ARB2A: variants seen among roughly 807,000 people sequenced by gnomAD.
ARB2A encodes the protein ARB2 cotranscriptional regulator A.
the ARB2A span, chr5:93,736,820 C>T: frequency 8.5e-5 from 13 of 152,156 alleles, no homozygotes; most frequent in East Asian, 1.5e-3. Flanking sequence ...ATGTAGAGTA[C>T]GTATGAAAAA....
the ARB2A span, among the ~76,000 whole-genome samples, chr5:93,754,552 G>C: frequency 6.6e-6 from 1 of 152,226 alleles, no homozygotes; most frequent in Non-Finnish European, 1.5e-5. Context: ...CTAGCAAAGA[G>C]TGACCTGTCA....
the ARB2A span, among the ~76,000 whole-genome samples, chr5:93,966,653 G>A: frequency 5.9e-5 from 9 of 151,972 alleles, no homozygotes; most frequent in Non-Finnish European, 2.9e-5. Context: ...CTATCTTATA[G>A]GCAATTCTCC....
At chr5:94,003,305 T>G in the ARB2A span, among the ~76,000 whole-genome samples, 14 of 152,258 alleles carry the variant, frequency 9.2e-5, no homozygotes, top group African/African-American at 3.4e-4. Context: ...CAAAAAAGAT[T>G]TGTACTTTTA....
the ARB2A span, chr5:93,776,135 A>T: frequency 1.3e-6 from 2 of 1,563,470 alleles, no homozygotes; most frequent in Non-Finnish European, 1.7e-6. Flanking sequence ...AACAGCAATC[A>T]TATATCTCTC....
At chr5:93,779,090 A>AGTGAGT in the ARB2A span, among the ~76,000 whole-genome samples, 198 of 143,448 alleles carry the variant, frequency 1.4e-3, 1 homozygote, top group African/African-American at 4.9e-3. Context: ...GTCATTTCAG[A>AGTGAGT]GTGTGTGTGT....
the ARB2A span, among the ~76,000 whole-genome samples, chr5:94,059,191 A>C: frequency 1.1e-4 from 17 of 151,756 alleles, 1 homozygote; most frequent in Non-Finnish European, 2.4e-4. Context: ...AAAAAAAAAA[A>C]CAATAGTTTT....
the ARB2A span, among the ~76,000 whole-genome samples, chr5:93,655,919 G>A: frequency 1.6e-4 from 24 of 152,194 alleles, no homozygotes; most frequent in South Asian, 5.0e-3. Context: ...ACTAATATAC[G>A]AAATCATTTA....
chr5:93,896,114 G>A, the ARB2A span, among the ~76,000 whole-genome samples: 1 of 151,994 alleles, frequency 6.6e-6, no homozygotes, highest in Non-Finnish European at 1.5e-5. Flanking sequence ...CTATGTCTAA[G>A]AAATTTATTT....
chr5:94,053,503 A>C, the ARB2A span, among the ~76,000 whole-genome samples: 1 of 152,172 alleles, frequency 6.6e-6, no homozygotes, highest in Non-Finnish European at 1.5e-5. Context: ...GACAGCTATT[A>C]ATTTGTACCT....
the ARB2A span, among the ~76,000 whole-genome samples, chr5:93,851,711 T>A: frequency 6.6e-6 from 1 of 152,286 alleles, no homozygotes; most frequent in South Asian, 2.1e-4. Context: ...GTGTTTGGTT[T>A]TTTGTTCTTG....
chr5:93,621,251 CGCCTG>C, the ARB2A span: 28 of 879,968 alleles, frequency 3.2e-5, no homozygotes, highest in Non-Finnish European at 3.8e-5. Flanking sequence ...CCGCCCCTCC[CGCCTG>C]CGCCCCGCCT....
the ARB2A span, chr5:93,619,734 G>A: frequency 6.6e-6 from 1 of 152,124 alleles, no homozygotes; most frequent in African/African-American, 2.4e-5. Flanking sequence ...AACATCTCCT[G>A]TATTTCACAG....
the ARB2A span, among the ~76,000 whole-genome samples, chr5:93,653,305 G>A: frequency 6.6e-6 from 1 of 151,060 alleles, no homozygotes; most frequent in African/African-American, 2.4e-5. Flanking sequence ...TCAGGAGGTC[G>A]AGACCATCCT....
chr5:93,899,477 T>A, the ARB2A span, among the ~76,000 whole-genome samples: 1 of 152,144 alleles, frequency 6.6e-6, no homozygotes, highest in African/African-American at 2.4e-5. Flanking sequence ...ATTTTGATTA[T>A]GTAGTCATTT....
At chr5:93,773,124 C>G in the ARB2A span, among the ~76,000 whole-genome samples, 2 of 152,222 alleles carry the variant, frequency 1.3e-5, no homozygotes, top group Non-Finnish European at 2.9e-5. Flanking sequence ...TAGTGATCCA[C>G]TAGTAGAGGT....
the ARB2A span, among the ~76,000 whole-genome samples, chr5:93,909,737 A>G: frequency 6.6e-6 from 1 of 150,940 alleles, no homozygotes; most frequent in Non-Finnish European, 1.5e-5. Flanking sequence ...TTTTTGTTGA[A>G]AATATGAAAG....
the ARB2A span, among the ~76,000 whole-genome samples, chr5:93,960,465 G>A: frequency 1.1e-4 from 16 of 151,922 alleles, no homozygotes; most frequent in Non-Finnish European, 2.1e-4. Flanking sequence ...GTTTATTCAC[G>A]GCCTGCTCCC....
chr5:93,967,228 G>A, the ARB2A span, among the ~76,000 whole-genome samples: 13 of 152,126 alleles, frequency 8.5e-5, no homozygotes, highest in Admixed American at 3.3e-4. Context: ...GTTTATAGAT[G>A]GAAAAGAAAA....
the ARB2A span, among the ~76,000 whole-genome samples, chr5:93,935,143 T>G: frequency 6.6e-6 from 1 of 152,062 alleles, no homozygotes; most frequent in Non-Finnish European, 1.5e-5. Context: ...GTACACTGCT[T>G]GAGTATTGGG....
Sources: gnomAD v4.1 joint callset for allele counts (sites outside exome capture counted in the v4.1 genomes callset) on GRCh38, gnomAD v4.1.1 for gene constraint, MANE v1.5 for transcripts, NCBI Gene and HGNC (gene_info 2026-07-23, HGNC 2026-07-21) for gene names.